RAD51B: variants seen among roughly 807,000 people sequenced by gnomAD.
RAD51B encodes the protein DNA repair protein RAD51 homolog 2.
Under a neutral mutation model 42.2 loss-of-function variants are expected in RAD51B, and 38 were observed. The ratio of observed to expected loss-of-function variants is 0.90; its 90% CI spans 0.70 to 1.18. The LOEUF is 1.18. Among genes scored for constraint, RAD51B ranks in the 50% most tolerant of loss-of-function variants. RAD51B has a pLI of 0.00. For synonymous variants in RAD51B, 154 were observed against 145.2 expected (o/e 1.06, Z -0.43); for missense variants, 373 against 400.7 (o/e 0.93, Z 0.59).
intron 10 of RAD51B, among the ~76,000 whole-genome samples, chr14:68,642,256 TATTA>T (rs1232119503): frequency 1.3e-5 from 2 of 152,224 alleles, no homozygotes; most frequent in Admixed American, 1.3e-4. Context: ...TTTGGGAGGC[TATTA>T]ATTATTGATT....
At chr14:68,561,441 G>A (rs954442327) in intron 10 of RAD51B, among the ~76,000 whole-genome samples, 1 of 152,170 alleles carries the variant, frequency 6.6e-6, no homozygotes, top group African/African-American at 2.4e-5. Context: ...TCTACAGCAG[G>A]CATGCTCACC....
chr14:67,838,946 T>C (rs1236446860), intron 4 of RAD51B, among the ~76,000 whole-genome samples: 1 of 152,176 alleles, frequency 6.6e-6, no homozygotes, highest in African/African-American at 2.4e-5. Flanking sequence ...ATTGAAATGA[T>C]TGTATTATTT....
chr14:68,162,549 G>A (rs1469182840), intron 7 of RAD51B, among the ~76,000 whole-genome samples: 1 of 152,194 alleles, frequency 6.6e-6, no homozygotes, highest in East Asian at 1.9e-4. Context: ...ACTTTGGGAG[G>A]CGGAGGCAGG....
chr14:67,843,115 A>G lies in RAD51B; in HGVS notation c.315+7919A>G, dbSNP rs779605903. On this transcript the variant is annotated intron_variant, in intron 4 of 10. Coordinates refer to ENST00000471583, the MANE Select transcript of RAD51B (RefSeq NM_133510.4). ...TTTTGCATCCATGTTCATCAGGGAT[A>G]TTGACCTGATGCTTTCTTTTTTTTT... is the stretch of plus-strand genomic sequence containing the variant. Among the ~76,000 whole-genome samples, 11 of 151,216 alleles carry G rather than the reference A, an allele frequency of 7.3e-5. No individual in the cohort carries two copies. In the South Asian group the frequency reaches 8.3e-4, roughly 11 times the overall value.
At chr14:68,671,792 G>A (rs1893164238) in intron 11 of RAD51B, among the ~76,000 whole-genome samples, 1 of 150,852 alleles carries the variant, frequency 6.6e-6, no homozygotes, top group African/African-American at 2.4e-5. Context: ...AGGGCCTTAG[G>A]AAATACTGAT....
At chr14:68,532,617 A>G (rs1251599486) in intron 10 of RAD51B, among the ~76,000 whole-genome samples, 1 of 152,208 alleles carries the variant, frequency 6.6e-6, no homozygotes, top group South Asian at 2.1e-4. Context: ...CCCAAAAAAC[A>G]TTGGGCATAG....
chr14:68,608,257 G>C (rs180941907), intron 10 of RAD51B, among the ~76,000 whole-genome samples: 2 of 152,346 alleles, frequency 1.3e-5, no homozygotes, highest in East Asian at 3.9e-4. Context: ...GCTCACCAGG[G>C]AGAGAAAGAG....
At chr14:68,072,062 TTTATATA>T (rs2076752056) in intron 7 of RAD51B, among the ~76,000 whole-genome samples, 8 of 109,138 alleles carry the variant, frequency 7.3e-5, no homozygotes, top group African/African-American at 3.8e-4. Context: ...ATTATATATA[TTTATATA>T]AATATATAAA....
chr14:67,979,231 C>G (rs1420852370), intron 7 of RAD51B, among the ~76,000 whole-genome samples: 1 of 152,044 alleles, frequency 6.6e-6, no homozygotes, highest in Non-Finnish European at 1.5e-5. Flanking sequence ...TTTAAAAATG[C>G]AATTGTAATG....
At chr14:68,031,557 G>T (rs535539104) in intron 7 of RAD51B, among the ~76,000 whole-genome samples, 34 of 152,250 alleles carry the variant, frequency 2.2e-4, no homozygotes, top group Admixed American at 1.0e-3. Context: ...GTTCAGTGTT[G>T]CCACAAACCT....
At chr14:68,415,679 T>C (rs1414527364) in intron 9 of RAD51B, among the ~76,000 whole-genome samples, 2 of 152,276 alleles carry the variant, frequency 1.3e-5, no homozygotes, top group African/African-American at 2.4e-5. Flanking sequence ...AGGCCTTCAC[T>C]TGGGAAACTC....
intron 8 of RAD51B, among the ~76,000 whole-genome samples, chr14:68,376,295 A>C (rs1214062082): frequency 6.6e-6 from 1 of 152,066 alleles, no homozygotes; most frequent in African/African-American, 2.4e-5. Flanking sequence ...CAAACCACAC[A>C]CTGAAACTAA....
rs553312586 is a variant in RAD51B, at chr14:68,073,872, A to G, written c.756+186668A>G. ...AGGCCTCCATACTCTTCTGGCTTGT[A>G]GGGTTTCTGCTGAAAAGTCTACTGT... On this transcript the variant is annotated intron_variant, in intron 7 of 10. Transcript: ENST00000471583. 8.1e-4 allele frequency among the ~76,000 whole-genome samples: 123 copies of G among 152,202 alleles called. 1 individual carries two copies. The highest frequency in any genetic ancestry group is 6.2e-4 in the Non-Finnish European group (42 of 68,010).
chr14:68,065,558 C>T (rs760087557), intron 7 of RAD51B, among the ~76,000 whole-genome samples: 1 of 152,120 alleles, frequency 6.6e-6, no homozygotes, highest in Admixed American at 6.5e-5. Flanking sequence ...GGATGCTGCT[C>T]GCCTAGGGGT....
chr14:68,225,552 TG>T (rs1178776623), intron 7 of RAD51B, among the ~76,000 whole-genome samples: 1 of 152,234 alleles, frequency 6.6e-6, no homozygotes, highest in African/African-American at 2.4e-5. Context: ...ATCAGCTTGC[TG>T]GTCCGTATTT....
At chr14:68,257,927 G>A (rs1464491623) in intron 7 of RAD51B, among the ~76,000 whole-genome samples, 17 of 152,198 alleles carry the variant, frequency 1.1e-4, no homozygotes, top group Non-Finnish European at 2.5e-4. Context: ...TATGGAGAAA[G>A]TAAGTCAAAC....
intron 7 of RAD51B, among the ~76,000 whole-genome samples, chr14:68,098,676 C>T (rs893528576): frequency 6.6e-6 from 1 of 152,186 alleles, no homozygotes; most frequent in Non-Finnish European, 1.5e-5. Flanking sequence ...TTCAGATTAT[C>T]TCCCACCAGG....
chr14:68,630,332 C>A (rs1448535416), intron 10 of RAD51B, among the ~76,000 whole-genome samples: 2 of 151,970 alleles, frequency 1.3e-5, no homozygotes, highest in African/African-American at 2.4e-5. Flanking sequence ...GCCAGTGAAC[C>A]CCCTATCTCT....
intron 7 of RAD51B, among the ~76,000 whole-genome samples, chr14:68,036,606 A>G (rs2076126777): frequency 6.6e-6 from 1 of 152,126 alleles, no homozygotes; most frequent in Non-Finnish European, 1.5e-5. Context: ...TCTTTGGGGC[A>G]CTGCTGATAT....
Sources: gnomAD v4.1 joint callset for allele counts (sites outside exome capture counted in the v4.1 genomes callset) on GRCh38, gnomAD v4.1.1 for gene constraint, MANE v1.5 for transcripts, NCBI Gene and HGNC (gene_info 2026-07-23, HGNC 2026-07-21) for gene names.